The following BTBD9 variants were observed in gnomAD, a reference collection of about 807,000 sequenced individuals.
BTBD9 encodes BTB domain containing 9.
BTBD9 carries 49 observed loss-of-function variants against 64.3 expected under a neutral mutation model. The observed-to-expected ratio is 0.76, with a 90% CI of 0.61 to 0.97. BTBD9 has a LOEUF of 0.97. BTBD9 is among the 50% of genes least tolerant of loss of function. BTBD9 has a pLI of 0.00. For synonymous variants in BTBD9, 260 were observed against 274.7 expected (o/e 0.95, Z 0.53); for missense variants, 598 against 762.1 (o/e 0.78, Z 2.53).
chr6:38,572,438 C>G (rs1032014549), intron 6 of BTBD9, among the ~76,000 whole-genome samples: 1 of 152,084 alleles, frequency 6.6e-6, no homozygotes, highest in Non-Finnish European at 1.5e-5. Flanking sequence ...GTGACTACAA[C>G]AACCAGAAGA....
At chr6:38,462,791 A>C (rs914811423) in intron 6 of BTBD9, among the ~76,000 whole-genome samples, 1 of 152,002 alleles carries the variant, frequency 6.6e-6, no homozygotes, top group African/African-American at 2.4e-5. Context: ...TTATTTCTCT[A>C]AGCTTTTTTT....
chr6:38,289,055 G>T, intron 7 of BTBD9, among the ~76,000 whole-genome samples: 1 of 151,592 alleles, frequency 6.6e-6, no homozygotes, highest in East Asian at 2.0e-4. Context: ...ACTAAAAAGG[G>T]AATCTAGGAA....
At position 38,361,670 on chromosome 6, in the gene BTBD9, G is replaced by A. The variant is rs536641552; in HGVS notation, c.1155-16577C>T. Among the ~76,000 whole-genome samples, 12 of 152,110 alleles carry A rather than the reference G, an allele frequency of 7.9e-5. No individual in the cohort carries two copies. In the South Asian group the frequency reaches 2.1e-3, roughly 26 times the overall value. Reference sequence around the variant, plus strand: ...AGCCTGGCCAACATGGAGACACCCCGTTTCTACTAAAAATACAAAATTAGG... The same window carrying A: ...AGCCTGGCCAACATGGAGACACCCCATTTCTACTAAAAATACAAAATTAGG... On this transcript the variant is annotated intron_variant, in intron 6 of 10. Coordinates refer to ENST00000481247, the MANE Select transcript of BTBD9 (RefSeq NM_001099272.2).
At chr6:38,317,855 A>C (rs1294799156) in intron 7 of BTBD9, among the ~76,000 whole-genome samples, 1 of 133,314 alleles carries the variant, frequency 7.5e-6, no homozygotes, top group Admixed American at 7.5e-5. Context: ...CTTTTTAATT[A>C]TTTTCTTTGT....
intron 6 of BTBD9, among the ~76,000 whole-genome samples, chr6:38,347,506 C>CA (rs1160487249): frequency 1.3e-5 from 2 of 152,082 alleles, no homozygotes; most frequent in Admixed American, 6.5e-5. Context: ...GCATAATTTG[C>CA]AAAAATGGCA....
intron 7 of BTBD9, among the ~76,000 whole-genome samples, chr6:38,292,153 G>A (rs1380194544): frequency 2.0e-5 from 3 of 151,784 alleles, no homozygotes; most frequent in Admixed American, 6.6e-5. Context: ...TAGTAGACAC[G>A]GGGTTTCACC....
intron 6 of BTBD9, among the ~76,000 whole-genome samples, chr6:38,378,245 CTTT>C (rs1222285736): frequency 3.7e-5 from 5 of 136,902 alleles, no homozygotes; most frequent in African/African-American, 2.7e-5. Context: ...CAAAACTTTT[CTTT>C]TTTTTTTTTT....
At chr6:38,478,297 GTTTTA>G (rs1703702895) in intron 6 of BTBD9, among the ~76,000 whole-genome samples, 1 of 152,056 alleles carries the variant, frequency 6.6e-6, no homozygotes, top group South Asian at 2.1e-4. Flanking sequence ...AAATATTTTG[GTTTTA>G]TTTTATTGAT....
At chr6:38,550,646 T>C in intron 6 of BTBD9, among the ~76,000 whole-genome samples, 1 of 152,108 alleles carries the variant, frequency 6.6e-6, no homozygotes, top group East Asian at 1.9e-4. Context: ...ATCAAATCTA[T>C]TAGCTAATGC....
intron 10 of BTBD9, chr6:38,179,986 A>C: frequency 2.6e-6 from 1 of 385,850 alleles, no homozygotes; most frequent in Non-Finnish European, 5.2e-6. Context: ...TCTGTAATTC[A>C]CTCTGGTCAC....
intron 9 of BTBD9, among the ~76,000 whole-genome samples, chr6:38,227,866 G>A (rs1763452600): frequency 6.6e-6 from 1 of 152,178 alleles, no homozygotes; most frequent in African/African-American, 2.4e-5. Flanking sequence ...TTCTTCTGAA[G>A]AAATTCAAAA....
intron 6 of BTBD9, among the ~76,000 whole-genome samples, chr6:38,456,778 T>C (rs1769831776): frequency 6.6e-6 from 1 of 152,198 alleles, no homozygotes; most frequent in African/African-American, 2.4e-5. Context: ...AAATATCTGG[T>C]TTGCAAATAC....
chr6:38,246,447 C>T (rs930875285), intron 9 of BTBD9, among the ~76,000 whole-genome samples: 13 of 149,178 alleles, frequency 8.7e-5, no homozygotes, highest in East Asian at 2.4e-4. Context: ...TCAGACTTGG[C>T]GCACGTGCAC....
At chr6:38,609,024 T>C (rs1477997109) in intron 1 of BTBD9, among the ~76,000 whole-genome samples, 2 of 152,196 alleles carry the variant, frequency 1.3e-5, no homozygotes, top group African/African-American at 4.8e-5. Flanking sequence ...ATTGACTGCC[T>C]GAGCTAAGGG....
At chr6:38,198,350 G>A (rs1339608159) in intron 9 of BTBD9, among the ~76,000 whole-genome samples, 2 of 152,162 alleles carry the variant, frequency 1.3e-5, no homozygotes, top group Non-Finnish European at 2.9e-5. Flanking sequence ...TCGGAAAGAA[G>A]CAGAGGACAG....
At chr6:38,231,268 G>C (rs1184529819) in intron 9 of BTBD9, among the ~76,000 whole-genome samples, 1 of 152,212 alleles carries the variant, frequency 6.6e-6, no homozygotes, top group Non-Finnish European at 1.5e-5. Flanking sequence ...AGTTAGGTCA[G>C]ACAATAATTG....
At position 38,609,547 on chromosome 6, in the gene BTBD9, G is replaced by A. The variant is rs142839703; in HGVS notation, c.-27-11426C>T. Among the ~76,000 whole-genome samples, 87 of 152,146 alleles carry A rather than the reference G, an allele frequency of 5.7e-4. No individual in the cohort carries two copies. In the East Asian group the frequency reaches 0.014, roughly 25 times the overall value. On this transcript the variant is annotated intron_variant, in intron 1 of 10. Transcript: ENST00000481247. ...TGTGTACATACACTTCACCTACAGT[G>A]TGGGAGAATAAAATCCAATTAAAAA...
intron 6 of BTBD9, among the ~76,000 whole-genome samples, chr6:38,381,697 T>C (rs1350232657): frequency 6.6e-6 from 1 of 152,058 alleles, no homozygotes. Flanking sequence ...TAGGTAAGCG[T>C]CAACAAATTT....
At chr6:38,533,414 C>T (rs1397823888) in intron 6 of BTBD9, among the ~76,000 whole-genome samples, 1 of 152,060 alleles carries the variant, frequency 6.6e-6, no homozygotes, top group African/African-American at 2.4e-5. Flanking sequence ...ATATATAAAG[C>T]AAATATTAAA....
Sources: gnomAD v4.1 joint callset for allele counts (sites outside exome capture counted in the v4.1 genomes callset) on GRCh38, gnomAD v4.1.1 for gene constraint, MANE v1.5 for transcripts, NCBI Gene and HGNC (gene_info 2026-07-23, HGNC 2026-07-21) for gene names.